Variants in SSB observed in about 807,000 individuals in gnomAD.
SSB encodes lupus La protein.
In SSB, 17 loss-of-function variants were observed where a neutral mutation model predicts 52.9. The observed-to-expected ratio is 0.32, with a 90% CI of 0.22 to 0.48. The LOEUF is 0.48. Ranked by LOEUF, SSB falls within the 20% of genes least tolerant of loss-of-function variation. The pLI, the probability that SSB is intolerant of heterozygous loss-of-function variation, is 0.99. For missense variants in SSB, 314 were observed against 463.6 expected, an observed-to-expected ratio of 0.68 and a Z score of 2.96; for synonymous variants, 111 against 152.1, an observed-to-expected ratio of 0.73 and a Z score of 1.99.
At position 169,811,804 on chromosome 2, in the gene SSB, T is replaced by C; in HGVS notation, c.*48T>C. The C allele has an allele frequency of 6.2e-7, 1 of 1,613,690 alleles. No individual in the cohort carries two copies. The highest frequency in any genetic ancestry group is 1.1e-5 in the South Asian group (1 of 90,992). On this transcript the variant is annotated 3_prime_UTR_variant, in exon 12 of 12. Coordinates refer to ENST00000260956, the MANE Select transcript of SSB (RefSeq NM_003142.5). Reference sequence around the variant, plus strand: ...CATTTTAAATAGGTTTTAAACGACTTTTGTTTGCGGGGCTTTTAAAAGGAA... The same window carrying C: ...CATTTTAAATAGGTTTTAAACGACTCTTGTTTGCGGGGCTTTTAAAAGGAA...
intron 11 of SSB, 63 bp downstream of exon 11, chr2:169,811,386 A>G (rs1365568474): frequency 3.9e-5 from 58 of 1,478,506 alleles, no homozygotes; most frequent in Non-Finnish European, 5.0e-5. Context: ...TAAATAAATG[A>G]TTTGCCAGAG....
At chr2:169,806,279 C>T (rs1350624742) in intron 4 of SSB, among the ~76,000 whole-genome samples, 1 of 152,098 alleles carries the variant, frequency 6.6e-6, no homozygotes, top group Non-Finnish European at 1.5e-5. Context: ...GTTTTATCTT[C>T]ATAAACGTGG....
In SSB at chr2:169,808,856, G is replaced by A. The variant is rs758100564; in HGVS notation, c.627-4G>A. 3.2e-6 allele frequency: 5 copies of A among 1,583,382 alleles called. No individual in the cohort carries two copies. The South Asian group carries it at 5.6e-5, about 18-fold the overall frequency. ...GTATGTTATAATTATATTTTTATTT[G>A]TAGGGAGCAAGAAGCAAAACAAAAG... is the stretch of plus-strand genomic sequence containing the variant. On this transcript the variant is annotated splice_polypyrimidine_tract_variant and splice_region_variant and intron_variant, in intron 7 of 11. Coordinates refer to ENST00000260956, the MANE Select transcript of SSB (RefSeq NM_003142.5).
In SSB at chr2:169,811,943, G is replaced by C. The variant is rs1284976800; in HGVS notation, c.*187G>C. 5 of 1,445,140 alleles carry C rather than the reference G, an allele frequency of 3.5e-6. No individual in the cohort carries two copies. Among genetic ancestry groups the C allele is most frequent in the Non-Finnish European group, 4.8e-6 (5 of 1,049,048 alleles). The allele number at this position is 1,445,140 out of a possible 1,614,324, so 89.5% of individuals were successfully genotyped here. The stretch of plus-strand genomic sequence containing the variant: ...TTTCTTTGAATGTATTGTTCTGTTT[G>C]TGTTATTTCAGATGATTCAAATATC... On this transcript the variant is annotated 3_prime_UTR_variant, in exon 12 of 12. Coordinates refer to ENST00000260956, the MANE Select transcript of SSB (RefSeq NM_003142.5).
At position 169,811,966 on chromosome 2, in the gene SSB, A is replaced by G. The variant is rs1689976327; in HGVS notation, c.*210A>G. 3.9e-6 allele frequency: 5 copies of G among 1,269,702 alleles called. No homozygotes were observed. Among genetic ancestry groups the G allele is most frequent in the Non-Finnish European group, 5.5e-6 (5 of 906,016 alleles). 78.7% of individuals were successfully genotyped at this position (1,269,702 alleles called of 1,614,324 possible). On this transcript the variant is annotated 3_prime_UTR_variant, in exon 12 of 12. Coordinates refer to ENST00000260956, the MANE Select transcript of SSB (RefSeq NM_003142.5). ...TTGTGTTATTTCAGATGATTCAAAT[A>G]TCAAAAGGAAGATTCTTCCATTAAA...
intron 8 of SSB, 72 bp downstream of exon 8, chr2:169,808,974 C>A: frequency 7.9e-7 from 1 of 1,259,652 alleles, no homozygotes; most frequent in Non-Finnish European, 1.2e-6. Flanking sequence ...AGTCTGAGGA[C>A]TTTTTCAAGA....
At chr2:169,806,722 C>T (rs555809530) in intron 4 of SSB, 63 bp from the exon 5 acceptor site, 36 of 1,306,260 alleles carry the variant, frequency 2.8e-5, no homozygotes, top group Admixed American at 8.1e-5. Flanking sequence ...ATCAAATTCT[C>T]TCCAATTGTT....
chr2:169,805,873 C>G lies in SSB; in HGVS notation c.345+34C>G, dbSNP rs766314559. On this transcript the variant is annotated intron_variant, in intron 4 of 11. Transcript: ENST00000260956. ...GCCTGTAATGCATTTAAATATCTTA[C>G]ATTTATTTAGAAAGTAAAGTACGGA... 2.5e-6 allele frequency: 4 copies of G among 1,577,624 alleles called. 1 individual carries two copies. Among genetic ancestry groups the G allele is most frequent in the South Asian group, 1.1e-5 (1 of 87,802 alleles).
At position 169,811,290 on chromosome 2, in the gene SSB, G is replaced by A. The variant is rs1377650498; in HGVS notation, c.1105G>A (p.Glu369Lys). 3 of 1,583,552 alleles carry A rather than the reference G, an allele frequency of 1.9e-6. No individual in the cohort carries two copies. Among genetic ancestry groups the A allele is most frequent in the Middle Eastern group, 1.7e-4 (1 of 5,924 alleles). The stretch of plus-strand genomic sequence containing the variant: ...GAAAACGAAATTTGCTAGTGATGAT[G>A]AACATGATGAACATGATGAAAATGG... ...GKKTKFASDD[E>K]HDEHDENGAT... is the part of the protein sequence containing the mutation. The change falls in exon 11 of 12, where the codon GAA becomes AAA. Residue 369 changes from glutamate (E) to lysine (K), a missense_variant. Coordinates refer to ENST00000260956, the MANE Select transcript of SSB (RefSeq NM_003142.5).
At position 169,806,851 on chromosome 2, in the gene SSB, C is replaced by T. The variant is rs1170841712; in HGVS notation, c.412C>T (p.Leu138=). 2 of 1,613,270 alleles carry T rather than the reference C, an allele frequency of 1.2e-6. No homozygotes were observed. The highest frequency in any genetic ancestry group is 1.7e-6 in the Non-Finnish European group (2 of 1,179,750). The part of the protein sequence containing the change: ...KEWLEDKGQV[L]NIQMRRTLHK... ...ATGGTTAGAAGATAAAGGTCAAGTA[C>T]TAAATATTCAGATGAGAAGAACATT... Residue 138 remains leucine, a synonymous_variant, in exon 5 of 12, where the codon CTA becomes TTA. Transcript: ENST00000260956.
At chr2:169,804,624 C>T (rs1689787425) in intron 2 of SSB, among the ~76,000 whole-genome samples, 1 of 151,952 alleles carries the variant, frequency 6.6e-6, no homozygotes, top group African/African-American at 2.4e-5. Flanking sequence ...TGGCTCACTG[C>T]AGCCTCTGCC....
intron 4 of SSB, chr2:169,806,101 G>C: frequency 2.3e-6 from 1 of 437,790 alleles, no homozygotes; most frequent in Non-Finnish European, 4.3e-6. Context: ...CTCCTGAGTA[G>C]CTGGGACTAC....
chr2:169,800,664 A>C (rs1689694826), intron 1 of SSB, among the ~76,000 whole-genome samples: 1 of 152,230 alleles, frequency 6.6e-6, no homozygotes, highest in African/African-American at 2.4e-5. Flanking sequence ...TTTTTTCCCT[A>C]AAGCTTGCTT....
At chr2:169,799,934 G>T (rs993371081) in intron 1 of SSB, among the ~76,000 whole-genome samples, 2 of 152,208 alleles carry the variant, frequency 1.3e-5, no homozygotes, top group African/African-American at 4.8e-5. Flanking sequence ...AGTCCTGGAG[G>T]CAAGTACTTT....
At chr2:169,808,965 G>A in intron 8 of SSB, 63 bp downstream of exon 8, 1 of 1,362,526 alleles carries the variant, frequency 7.3e-7, no homozygotes, top group South Asian at 1.2e-5. Flanking sequence ...TAGCTTTTAA[G>A]TCTGAGGACT....
intron 8 of SSB, 59 bp downstream of exon 8, chr2:169,808,961 T>G: frequency 7.1e-7 from 1 of 1,408,292 alleles, no homozygotes. Flanking sequence ...TGAATAGCTT[T>G]TAAGTCTGAG....
chr2:169,809,195 A>G (rs1689893033), intron 8 of SSB, among the ~76,000 whole-genome samples: 1 of 152,224 alleles, frequency 6.6e-6, no homozygotes, highest in South Asian at 2.1e-4. Flanking sequence ...AGCCTGGCCA[A>G]TATGGTGAAA....
In SSB at chr2:169,805,506, C is replaced by G. The variant is rs1689810890; in HGVS notation, c.99C>G (p.Asp33Glu). ...YYFGDFNLPR[D>E]KFLKEQIKLD... is the part of the protein sequence containing the mutation. Reference sequence around the variant, plus strand: ...TTGGCGACTTCAATTTGCCACGGGACAAGTTTCTAAAGGAACAGATAAAAC... The same window carrying G: ...TTGGCGACTTCAATTTGCCACGGGAGAAGTTTCTAAAGGAACAGATAAAAC... The change falls in exon 3 of 12, where the codon GAC becomes GAG. Residue 33 changes from aspartate to glutamate, a missense_variant. Physicochemically the swap from Asp to Glu is conservative, Grantham distance 45. Coordinates refer to ENST00000260956, the MANE Select transcript of SSB (RefSeq NM_003142.5). 1 of 1,613,526 alleles carries G rather than the reference C, an allele frequency of 6.2e-7. No homozygotes were observed. The highest frequency in any genetic ancestry group is 1.7e-5 in the Admixed American group (1 of 59,978).
In SSB at chr2:169,811,650, T is replaced by A. The variant is rs994061515; in HGVS notation, c.1139-18T>A. On this transcript the variant is annotated intron_variant, in intron 11 of 11. Coordinates refer to ENST00000260956, the MANE Select transcript of SSB (RefSeq NM_003142.5). ...GTACTTACGTTGAATTTAACAAAAA[T>A]TAATTGTTACGTTATAGGACCTGTG... 3.1e-6 allele frequency: 5 copies of A among 1,600,612 alleles called. No individual in the cohort carries two copies. Among genetic ancestry groups the A allele is most frequent in the Non-Finnish European group, 4.3e-6 (5 of 1,176,428 alleles).
Sources: allele counts gnomAD v4.1 joint callset (sites outside exome capture counted in the v4.1 genomes callset), GRCh38; gene constraint gnomAD v4.1.1; transcripts MANE v1.5; gene names NCBI Gene and HGNC (gene_info 2026-07-23, HGNC 2026-07-21).